The following MAL variants were observed in gnomAD, a reference collection of about 807,000 sequenced individuals.
MAL encodes myelin and lymphocyte protein.
MAL carries 5 observed loss-of-function variants against 16.7 expected under a neutral mutation model. The ratio of observed to expected loss-of-function variants is 0.30; its 90% CI spans 0.16 to 0.63. MAL has a LOEUF of 0.63. Among genes scored for constraint, MAL ranks in the 30% least tolerant of loss-of-function variants. The probability of loss-of-function intolerance (pLI) is 0.82; values close to 1 mark genes in which losing one functional copy is unlikely to be tolerated. For missense variants in MAL, 202 were observed against 195.8 expected (o/e 1.03, Z -0.19); for synonymous variants, 96 against 85.5 (o/e 1.12, Z -0.67).
chr2:95,048,082 T>G lies in MAL; in HGVS notation c.217T>G (p.Tyr73Asp). The G allele has an allele frequency of 6.2e-7, 1 of 1,613,752 alleles. No homozygotes were observed. ...FVATTTLIILYIIGAHGGETS... is the reference protein window; with the variant it reads ...FVATTTLIILDIIGAHGGETS... ...GGCCACCACCACCTTGATCATCCTG[T>G]ACATAATTGGAGCCCACGGTGGAGA... is the stretch of plus-strand genomic sequence containing the variant. Residue 73 changes from tyrosine (Y) to aspartate (D), a missense_variant, in exon 2 of 4, where the codon TAC becomes GAC. Tyr to Asp is a radical substitution (Grantham distance 160). Coordinates refer to ENST00000309988, the MANE Select transcript of MAL (RefSeq NM_002371.4).
rs926133955 is a variant in MAL at position 95,053,571 on chromosome 2, A to AC, written c.*123dup. 6.7e-5 allele frequency: 39 copies of AC among 581,208 alleles called. No individual in the cohort carries two copies. Among genetic ancestry groups the AC allele is most frequent in the South Asian group, 6.5e-5 (2 of 30,588 alleles). 36.0% of individuals were successfully genotyped at this position (581,208 alleles called of 1,614,324 possible). The stretch of plus-strand genomic sequence containing the variant: ...TGATGGTGGAAAAAAGAAAACAACC[A>AC]CCCCCCCACTGCCCAAAAAAAAAAG... On this transcript the variant is annotated 3_prime_UTR_variant, in exon 4 of 4. Coordinates refer to ENST00000309988, the MANE Select transcript of MAL (RefSeq NM_002371.4).
At chr2:95,051,529 T>C (rs1489513785) in intron 3 of MAL, 2 of 152,274 alleles carry the variant, frequency 1.3e-5, no homozygotes, top group Non-Finnish European at 2.9e-5. Flanking sequence ...TGGGTACTCA[T>C]GTGTGGCTTC....
At chr2:95,038,544 GTGAC>G (rs1231765234) in intron 1 of MAL, among the ~76,000 whole-genome samples, 2 of 151,036 alleles carry the variant, frequency 1.3e-5, no homozygotes, top group East Asian at 3.9e-4. Context: ...GAGTGACTGA[GTGAC>G]TGAGTGAGTG....
chr2:95,032,339 G>A (rs1158343708), intron 1 of MAL, among the ~76,000 whole-genome samples: 1 of 152,256 alleles, frequency 6.6e-6, no homozygotes, highest in East Asian at 1.9e-4. Flanking sequence ...CCAGAGAAGG[G>A]GCTGGGAGTA....
chr2:95,053,590 A>G lies in MAL; in HGVS notation c.*135A>G, dbSNP rs1674768609. The G allele has an allele frequency of 1.5e-6, 1 of 682,074 alleles. No homozygotes were observed. The highest frequency in any genetic ancestry group is 2.5e-6 in the Non-Finnish European group (1 of 400,618). The allele number at this position is 682,074 out of a possible 1,614,324, so 42.3% of individuals were successfully genotyped here. A position where few individuals can be genotyped will look rare whatever the true frequency, so the allele number is the denominator to read the frequency against. ...ACAACCACCCCCCCACTGCCCAAAA[A>G]AAAAAGCCCTGCCCTGTTGCTCGTG... is the stretch of plus-strand genomic sequence containing the variant. On this transcript the variant is annotated 3_prime_UTR_variant, in exon 4 of 4. Transcript: ENST00000309988.
chr2:95,045,836 C>G (rs1266913560), intron 1 of MAL, among the ~76,000 whole-genome samples: 1 of 152,240 alleles, frequency 6.6e-6, no homozygotes, highest in Non-Finnish European at 1.5e-5. Context: ...GCCACATAAT[C>G]TGTTGAATCT....
intron 2 of MAL, 133 bp from the exon 3 acceptor site, chr2:95,049,448 G>T: frequency 8.4e-7 from 1 of 1,184,520 alleles, no homozygotes; most frequent in East Asian, 2.5e-5. Context: ...GGACCTCCGT[G>T]ACAAGGTTGG....
chr2:95,045,012 A>C (rs1206350984), intron 1 of MAL, among the ~76,000 whole-genome samples: 1 of 152,224 alleles, frequency 6.6e-6, no homozygotes, highest in Non-Finnish European at 1.5e-5. Context: ...TCTGTGCATT[A>C]ATTTACCTCA....
In MAL at chr2:95,053,919, A is replaced by C. The variant is rs138440190; in HGVS notation, c.*464A>C. 1 of 163,624 alleles carries C rather than the reference A, an allele frequency of 6.1e-6. No individual in the cohort carries two copies. The highest frequency in any genetic ancestry group is 2.4e-5 in the African/African-American group (1 of 41,914). The allele number at this position is 163,624 out of a possible 1,614,324, so 10.1% of individuals were successfully genotyped here. On this transcript the variant is annotated 3_prime_UTR_variant, in exon 4 of 4. Transcript: ENST00000309988. ...TGTCATGGGGACTAAAACTCACCCAACAGATCTTTCCAGAGGTCCATGGTG... is the reference window on the plus strand; with the variant it reads ...TGTCATGGGGACTAAAACTCACCCACCAGATCTTTCCAGAGGTCCATGGTG...
chr2:95,025,756 G>C lies in MAL; in HGVS notation c.-37G>C. The stretch of plus-strand genomic sequence containing the variant: ...GAGGTCTGCGCGGAGTCTGAGCGGC[G>C]CTCGTCCCGTCCCAAGGCCGACGCC... On this transcript the variant is annotated 5_prime_UTR_variant, in exon 1 of 4. Coordinates refer to ENST00000309988, the MANE Select transcript of MAL (RefSeq NM_002371.4). This position sits in a 1 kb window ranked among gnomAD's most constrained non-coding sequence, Gnocchi z 5.6. 1 of 1,444,188 alleles carries C rather than the reference G, an allele frequency of 6.9e-7. No homozygotes were observed. The highest frequency in any genetic ancestry group is 1.3e-5 in the South Asian group (1 of 74,198). 89.5% of individuals were successfully genotyped at this position (1,444,188 alleles called of 1,614,324 possible).
At chr2:95,051,132 G>A (rs1247154158) in intron 3 of MAL, among the ~76,000 whole-genome samples, 1 of 152,146 alleles carries the variant, frequency 6.6e-6, no homozygotes, top group South Asian at 2.1e-4. Flanking sequence ...CTTCCCGCTG[G>A]GCAGGTCTCT....
At chr2:95,037,076 GGTGAGTGAATGA>G (rs1674236239) in intron 1 of MAL, among the ~76,000 whole-genome samples, 2 of 59,410 alleles carry the variant, frequency 3.4e-5, no homozygotes, top group Non-Finnish European at 3.5e-5. Flanking sequence ...TGACTGAGTG[GGTGAGTGAATGA>G]GTGAGTGAGT....
intron 1 of MAL, among the ~76,000 whole-genome samples, chr2:95,030,667 A>G (rs1674056458): frequency 1.3e-5 from 2 of 152,132 alleles, no homozygotes; most frequent in South Asian, 4.2e-4. Flanking sequence ...CCAGGCCACA[A>G]AGGAGGCAGG....
intron 2 of MAL, among the ~76,000 whole-genome samples, chr2:95,048,692 T>C (rs1052266511): frequency 6.6e-6 from 1 of 152,254 alleles, no homozygotes; most frequent in Non-Finnish European, 1.5e-5. Flanking sequence ...GCCTGTTACC[T>C]GCTGTAGGGG....
chr2:95,046,601 G>A (rs1373265252), intron 1 of MAL, among the ~76,000 whole-genome samples: 1 of 152,150 alleles, frequency 6.6e-6, no homozygotes, highest in Non-Finnish European at 1.5e-5. Flanking sequence ...TGGCCCCCAT[G>A]TCTGCTCCTC....
At chr2:95,050,356 G>A (rs2104362443) in intron 3 of MAL, among the ~76,000 whole-genome samples, 1 of 152,326 alleles carries the variant, frequency 6.6e-6, no homozygotes, top group Non-Finnish European at 1.5e-5. Context: ...GTGTGCCCTT[G>A]CACCAGTCTA....
chr2:95,034,689 C>T (rs1365857678), intron 1 of MAL, among the ~76,000 whole-genome samples: 11 of 152,096 alleles, frequency 7.2e-5, no homozygotes, highest in African/African-American at 1.9e-4. Flanking sequence ...GGAAAGGAAC[C>T]GCCGAGCTTA....
At chr2:95,050,556 C>T (rs562279977) in intron 3 of MAL, among the ~76,000 whole-genome samples, 20 of 152,302 alleles carry the variant, frequency 1.3e-4, no homozygotes, top group East Asian at 1.2e-3. Flanking sequence ...AAGTGTAGGG[C>T]AGAGGCTGAG....
intron 3 of MAL, among the ~76,000 whole-genome samples, chr2:95,049,976 C>T (rs1435515936): frequency 2.6e-5 from 4 of 152,166 alleles, no homozygotes; most frequent in African/African-American, 9.7e-5. Context: ...ATGCGGCTGC[C>T]CAGCGCCCTG....
Sources: allele counts gnomAD v4.1 joint callset (sites outside exome capture counted in the v4.1 genomes callset), GRCh38; gene constraint gnomAD v4.1.1; non-coding constraint Gnocchi (gnomAD v3.1); transcripts MANE v1.5; gene names NCBI Gene and HGNC (gene_info 2026-07-23, HGNC 2026-07-21).